HTR2C: variants seen among roughly 807,000 people sequenced by gnomAD.
HTR2C encodes the protein 5-hydroxytryptamine (serotonin) receptor 2C, G protein-coupled.
Under a neutral mutation model 21.0 loss-of-function variants are expected in HTR2C, and 5 were observed. That is an observed-to-expected ratio of 0.24 (90% CI 0.12 to 0.50). HTR2C has a LOEUF of 0.50. HTR2C is among the 20% of genes least tolerant of loss of function. The pLI is 0.98. For synonymous variants in HTR2C, 150 were observed against 145.3 expected (o/e 1.03, Z -0.23); for missense variants, 271 against 371.2 (o/e 0.73, Z 2.22).
chrX:114,759,673 G>A (rs782549784), intron 4 of HTR2C, among the ~76,000 whole-genome samples: 4 of 110,752 alleles, frequency 3.6e-5, no homozygotes, highest in South Asian at 3.9e-4. Flanking sequence ...GCCCCAATTC[G>A]TCAATCTCAA....
chrX:114,759,195 A>G (rs1047551818), intron 4 of HTR2C, among the ~76,000 whole-genome samples: 1 of 111,578 alleles, frequency 9.0e-6, no homozygotes, highest in African/African-American at 3.3e-5. Flanking sequence ...TTGCATGTCA[A>G]ACTTTTCAGA....
chrX:114,591,388 A>G (rs910283993), intron 1 of HTR2C, among the ~76,000 whole-genome samples: 11 of 111,781 alleles, frequency 9.8e-5, no homozygotes, highest in African/African-American at 3.6e-4. Context: ...TCATACCTCT[A>G]TATCTATTTT....
rs202148439 is a variant in HTR2C at position 114,908,949 on chromosome X, C to T, written c.*1534C>T. The T allele has an allele frequency of 7.1e-5, 8 of 112,527 alleles. No individual in the cohort carries two copies. The highest frequency in any genetic ancestry group is 3.7e-4 in the South Asian group (1 of 2,717). 9.3% of individuals were successfully genotyped at this position (112,527 alleles called of 1,213,427 possible). On this transcript the variant is annotated 3_prime_UTR_variant, in exon 6 of 6. Transcript: ENST00000276198. ...GAAGAATTCATGATGCTAGTTCTTA[C>T]GCTTGACAGTTACTTACACACCTGA...
intron 2 of HTR2C, among the ~76,000 whole-genome samples, chrX:114,705,020 A>C (rs1454810424): frequency 9.3e-6 from 1 of 107,301 alleles, no homozygotes; most frequent in African/African-American, 3.4e-5. Context: ...GGACCTCTTC[A>C]AGGAGAACTA....
At chrX:114,752,110 G>C (rs1186815612) in intron 4 of HTR2C, among the ~76,000 whole-genome samples, 1 of 111,616 alleles carries the variant, frequency 9.0e-6, no homozygotes, top group Non-Finnish European at 1.9e-5. Flanking sequence ...ATTTATTAAA[G>C]TTCAGACACT....
At chrX:114,588,178 C>A (rs1270468496) in intron 1 of HTR2C, among the ~76,000 whole-genome samples, 1 of 111,804 alleles carries the variant, frequency 8.9e-6, no homozygotes, top group Admixed American at 9.5e-5. Flanking sequence ...TTATGGTTAA[C>A]CTTATGCATA....
chrX:114,846,244 A>G (rs1297455031), intron 4 of HTR2C, among the ~76,000 whole-genome samples: 5 of 111,743 alleles, frequency 4.5e-5, no homozygotes, highest in Admixed American at 1.9e-4. Flanking sequence ...TTCACCGAAC[A>G]TTTCAAAAAT....
intron 4 of HTR2C, among the ~76,000 whole-genome samples, chrX:114,803,776 C>T (rs1243796381): frequency 9.1e-6 from 1 of 110,123 alleles, no homozygotes; most frequent in Non-Finnish European, 1.9e-5. Context: ...GTTTCCATTG[C>T]TTTTGGTGTT....
At chrX:114,829,503 T>TCTTTG (rs143626621) in intron 4 of HTR2C, among the ~76,000 whole-genome samples, 28 of 12,964 alleles carry the variant, frequency 2.2e-3, no homozygotes, top group African/African-American at 3.2e-3. Context: ...AATTTTTCTA[T>TCTTTG]CTTTTCTGCT....
intron 4 of HTR2C, among the ~76,000 whole-genome samples, chrX:114,805,827 A>ATATACCATG (rs2070410295): frequency 1.2e-5 from 1 of 84,611 alleles, no homozygotes; most frequent in East Asian, 3.6e-4. Context: ...TATATACCAT[A>ATATACCATG]TATATACCAT....
At chrX:114,852,410 T>C (rs1174401907) in intron 5 of HTR2C, among the ~76,000 whole-genome samples, 3 of 108,642 alleles carry the variant, frequency 2.8e-5, no homozygotes, top group Non-Finnish European at 5.7e-5. Flanking sequence ...TTCTTGAATT[T>C]ATTTTTGCAA....
intron 2 of HTR2C, among the ~76,000 whole-genome samples, chrX:114,638,048 C>T (rs1556405595): frequency 9.0e-6 from 1 of 111,277 alleles, no homozygotes; most frequent in Non-Finnish European, 1.9e-5. Flanking sequence ...TGACTGGGCT[C>T]TTTGCCTAAC....
intron 4 of HTR2C, among the ~76,000 whole-genome samples, chrX:114,752,814 G>A (rs991288673): frequency 7.3e-5 from 8 of 109,820 alleles, no homozygotes; most frequent in Admixed American, 5.9e-4. Context: ...GTCAATTTTC[G>A]GAACCCAAGA....
At chrX:114,902,487 CAAT>C (rs1333882863) in intron 5 of HTR2C, among the ~76,000 whole-genome samples, 3 of 110,560 alleles carry the variant, frequency 2.7e-5, no homozygotes, top group African/African-American at 6.6e-5. Flanking sequence ...ATTTTATTTT[CAAT>C]AATAATAATA....
At position 114,701,919 on chromosome X, in the gene HTR2C, G is replaced by A. The variant is rs1190392198; in HGVS notation, c.-79-24939G>A. On this transcript the variant is annotated intron_variant, in intron 2 of 5. Coordinates refer to ENST00000276198, the MANE Select transcript of HTR2C (RefSeq NM_000868.4). ...CAAGAACTACGTGAAGAATGCAGAA[G>A]CCTCAGGAGCCGATGCAATCAACTG... 5.3e-5 allele frequency among the ~76,000 whole-genome samples: 6 copies of A among 112,200 alleles called. No individual in the cohort carries two copies. The East Asian group carries it at 1.7e-3, about 31-fold the overall frequency.
chrX:114,673,748 T>G (rs994660061), intron 2 of HTR2C, among the ~76,000 whole-genome samples: 1 of 111,218 alleles, frequency 9.0e-6, no homozygotes, highest in South Asian at 3.7e-4. Flanking sequence ...TTAAAACTAT[T>G]TTTTTTCATT....
intron 1 of HTR2C, among the ~76,000 whole-genome samples, chrX:114,588,601 G>T (rs1349399349): frequency 5.8e-5 from 6 of 103,833 alleles, no homozygotes; most frequent in Non-Finnish European, 1.2e-4. Flanking sequence ...GAATGAATTG[G>T]CTAGGATTTC....
chrX:114,752,948 A>G lies in HTR2C; in HGVS notation c.349+21341A>G, dbSNP rs782590777. On this transcript the variant is annotated intron_variant, in intron 4 of 5. Transcript: ENST00000276198. Reference sequence around the variant, plus strand: ...TTAAAAATACATGATTCAGGACAAGATGGAGTAGACTCACTTTTCCCTGCT... The same window carrying G: ...TTAAAAATACATGATTCAGGACAAGGTGGAGTAGACTCACTTTTCCCTGCT... Among the ~76,000 whole-genome samples the G allele has an allele frequency of 4.5e-5, 5 of 111,715 alleles. No homozygotes were observed. In the South Asian group the frequency reaches 1.9e-3, roughly 42 times the overall value.
intron 2 of HTR2C, among the ~76,000 whole-genome samples, chrX:114,668,124 A>G (rs945787111): frequency 1.6e-4 from 18 of 111,611 alleles, no homozygotes; most frequent in Non-Finnish European, 3.4e-4. Flanking sequence ...AAGCCAAGTA[A>G]AAAATGGAAG....
Sources: allele counts gnomAD v4.1 joint callset (sites outside exome capture counted in the v4.1 genomes callset), GRCh38; gene constraint gnomAD v4.1.1; transcripts MANE v1.5; gene names NCBI Gene and HGNC (gene_info 2026-07-23, HGNC 2026-07-21).